Variants in BICC1 observed in about 807,000 individuals in gnomAD.
The protein encoded by BICC1 is protein bicaudal C homolog 1.
In BICC1, 43 loss-of-function variants were observed where a neutral mutation model predicts 111.0. The observed-to-expected ratio is 0.39, with a 90% CI of 0.30 to 0.50. BICC1 has a LOEUF of 0.50. BICC1 is among the 20% of genes least tolerant of loss of function. The pLI is 0.88. For missense variants in BICC1, 1,091 were observed against 1,203.2 expected, an observed-to-expected ratio of 0.91 and a Z score of 1.38; for synonymous variants, 467 against 434.4, an observed-to-expected ratio of 1.07 and a Z score of -0.93.
intron 1 of BICC1, among the ~76,000 whole-genome samples, chr10:58,585,471 G>T (rs1844403578): frequency 6.6e-6 from 1 of 152,070 alleles, no homozygotes; most frequent in South Asian, 2.1e-4. Context: ...ACAAATTAGG[G>T]TAAAAAAGAT....
chr10:58,645,136 G>A (rs528201315), intron 2 of BICC1, among the ~76,000 whole-genome samples: 8 of 152,160 alleles, frequency 5.3e-5, no homozygotes, highest in Admixed American at 1.3e-4. Flanking sequence ...GTGGCCAGGC[G>A]CGGTGGCTCA....
At chr10:58,821,398 G>T (rs534049107) in intron 20 of BICC1, among the ~76,000 whole-genome samples, 1 of 152,240 alleles carries the variant, frequency 6.6e-6, no homozygotes, top group East Asian at 1.9e-4. Context: ...TCCAACTGGT[G>T]AAAGTCCATT....
At chr10:58,688,863 A>G (rs1839830099) in intron 2 of BICC1, among the ~76,000 whole-genome samples, 1 of 151,858 alleles carries the variant, frequency 6.6e-6, no homozygotes. Flanking sequence ...AGAACATCAC[A>G]CACTGGGGCC....
At chr10:58,781,227 CAG>C (rs1216524898) in intron 3 of BICC1, among the ~76,000 whole-genome samples, 1 of 152,138 alleles carries the variant, frequency 6.6e-6, no homozygotes, top group Non-Finnish European at 1.5e-5. Flanking sequence ...TATTTGAACT[CAG>C]AACTTTTTTG....
At chr10:58,782,383 A>G (rs935343888) in intron 3 of BICC1, among the ~76,000 whole-genome samples, 1 of 152,228 alleles carries the variant, frequency 6.6e-6, no homozygotes, top group Non-Finnish European at 1.5e-5. Flanking sequence ...TGTATAATAT[A>G]TATAGGACCA....
chr10:58,609,375 C>T (rs865785046), intron 1 of BICC1, among the ~76,000 whole-genome samples: 3 of 152,298 alleles, frequency 2.0e-5, no homozygotes, highest in Middle Eastern at 3.4e-3. Context: ...TTCCTCATAG[C>T]CTGTAGCTGT....
At chr10:58,666,390 A>T (rs182893801) in intron 2 of BICC1, among the ~76,000 whole-genome samples, 1 of 152,328 alleles carries the variant, frequency 6.6e-6, no homozygotes, top group Non-Finnish European at 1.5e-5. Flanking sequence ...GCTAGGTTAT[A>T]GTTCATCTAT....
chr10:58,542,230 C>G, intron 1 of BICC1, among the ~76,000 whole-genome samples: 2 of 150,952 alleles, frequency 1.3e-5, no homozygotes, highest in Non-Finnish European at 2.9e-5. Context: ...AATAAATCCT[C>G]GCCTATATAG....
intron 2 of BICC1, among the ~76,000 whole-genome samples, chr10:58,662,146 A>G (rs1838863824): frequency 6.6e-6 from 1 of 152,188 alleles, no homozygotes; most frequent in African/African-American, 2.4e-5. Context: ...GTACTTGAAG[A>G]AAACTTAAGT....
intron 3 of BICC1, among the ~76,000 whole-genome samples, chr10:58,707,823 A>G (rs1840435962): frequency 6.6e-6 from 1 of 151,976 alleles, no homozygotes; most frequent in Admixed American, 6.6e-5. Context: ...CAGCCTCCCG[A>G]GTAGCTGGGA....
chr10:58,578,560 T>A (rs970979468), intron 1 of BICC1, among the ~76,000 whole-genome samples: 7 of 152,208 alleles, frequency 4.6e-5, no homozygotes, highest in African/African-American at 1.7e-4. Context: ...CATTCCTGCC[T>A]TAGTAAGCAC....
intron 2 of BICC1, among the ~76,000 whole-genome samples, chr10:58,683,007 T>C (rs1345423090): frequency 6.6e-6 from 1 of 152,250 alleles, no homozygotes; most frequent in Non-Finnish European, 1.5e-5. Context: ...AGGGTTTTTA[T>C]GGTTTTAGGT....
At chr10:58,578,438 G>A (rs188161352) in intron 1 of BICC1, among the ~76,000 whole-genome samples, 3 of 152,226 alleles carry the variant, frequency 2.0e-5, no homozygotes, top group African/African-American at 2.4e-5. Flanking sequence ...GAAAACTTGC[G>A]GGGATGTATT....
intron 2 of BICC1, among the ~76,000 whole-genome samples, chr10:58,676,710 GCCT>G: frequency 6.6e-6 from 1 of 152,334 alleles, no homozygotes; most frequent in East Asian, 1.9e-4. Flanking sequence ...GGGGCAGACT[GCCT>G]CCTCAAGTGG....
chr10:58,618,705 A>G (rs1845701531), intron 1 of BICC1, among the ~76,000 whole-genome samples: 1 of 152,214 alleles, frequency 6.6e-6, no homozygotes, highest in African/African-American at 2.4e-5. Context: ...AATTTGTGCA[A>G]AAATAAAAGT....
intron 1 of BICC1, among the ~76,000 whole-genome samples, chr10:58,597,898 A>C (rs1236027967): frequency 2.0e-5 from 3 of 152,006 alleles, no homozygotes; most frequent in Non-Finnish European, 2.9e-5. Context: ...GTTCTTTTTC[A>C]AGGTGCACTG....
At position 58,800,265 on chromosome 10, in the gene BICC1, G is replaced by A. The variant is rs1589151552; in HGVS notation, c.1797G>A (p.Gly599=). 7 of 1,613,470 alleles carry A rather than the reference G, an allele frequency of 4.3e-6. No homozygotes were observed. Among genetic ancestry groups the A allele is most frequent in the Middle Eastern group, 3.3e-4 (2 of 6,058 alleles). Residue 599 remains glycine, a synonymous_variant, in exon 13 of 21, where the codon GGG becomes GGA. Transcript: ENST00000373886. ...AAAAAGTGCTGAGTGCAAATCACGG[G>A]GATCCGTCCATCCAGACAAGTGGGT... is the stretch of plus-strand genomic sequence containing the variant. ...LGEKVLSANH[G]DPSIQTSGSE... is the part of the protein sequence containing the mutation.
chr10:58,526,585 C>A (rs973374472), intron 1 of BICC1, among the ~76,000 whole-genome samples: 11 of 151,494 alleles, frequency 7.3e-5, no homozygotes, highest in African/African-American at 1.9e-4. Flanking sequence ...CTGCTCCCCC[C>A]ACCCCACGAC....
Position 58,542,622 on chromosome 10 carries a change from C to T in BICC1, c.190+29289C>T, listed in dbSNP as rs555480289. On this transcript the variant is annotated intron_variant, in intron 1 of 20. Coordinates refer to ENST00000373886, the MANE Select transcript of BICC1 (RefSeq NM_001080512.3). ...TAATTGCAAACCATATATCTCATAA[C>T]GGGTACATAACCAATATATGTAAAG... Among the ~76,000 whole-genome samples, 11 of 152,080 alleles carry T rather than the reference C, an allele frequency of 7.2e-5. No individual in the cohort carries two copies. In the East Asian group the frequency reaches 1.2e-3, roughly 16 times the overall value.
Sources: gnomAD v4.1 joint callset for allele counts (sites outside exome capture counted in the v4.1 genomes callset) on GRCh38, gnomAD v4.1.1 for gene constraint, MANE v1.5 for transcripts, NCBI Gene and HGNC (gene_info 2026-07-23, HGNC 2026-07-21) for gene names.